Variants in CLIP4 observed in about 807,000 individuals in gnomAD.
CLIP4 encodes the protein CAP-Gly domain-containing linker protein 4.
In CLIP4, 47 loss-of-function variants were observed where a neutral mutation model predicts 73.1. The ratio of observed to expected loss-of-function variants is 0.64; its 90% CI spans 0.51 to 0.82. CLIP4 has a LOEUF of 0.82. Among genes scored for constraint, CLIP4 ranks in the 40% least tolerant of loss-of-function variants. The pLI, the probability that CLIP4 is intolerant of heterozygous loss-of-function variation, is 0.00. For missense variants in CLIP4, 874 were observed against 852.9 expected (o/e 1.02, Z -0.31); for synonymous variants, 306 against 295.4 (o/e 1.04, Z -0.37).
chr2:29,120,832 C>T (rs951484054), intron 1 of CLIP4, among the ~76,000 whole-genome samples: 1 of 152,192 alleles, frequency 6.6e-6, no homozygotes, highest in African/African-American at 2.4e-5. Flanking sequence ...TCACATACCT[C>T]GGACCTTGTT....
intron 8 of CLIP4, among the ~76,000 whole-genome samples, chr2:29,149,387 C>A (rs547311035): frequency 6.7e-6 from 1 of 149,166 alleles, no homozygotes; most frequent in Admixed American, 6.7e-5. Context: ...TTCTTGGAAG[C>A]GTTTAGTATT....
intron 6 of CLIP4, among the ~76,000 whole-genome samples, chr2:29,141,468 A>G (rs531239334): frequency 3.3e-5 from 5 of 152,106 alleles, no homozygotes; most frequent in Non-Finnish European, 5.9e-5. Context: ...TCTTTTTGTA[A>G]GTCTAGTAGT....
At chr2:29,110,159 A>G (rs115786814) in intron 1 of CLIP4, among the ~76,000 whole-genome samples, 3,547 of 152,310 alleles carry the variant, frequency 0.023, 116 homozygotes, top group East Asian at 0.091. Flanking sequence ...TTTGCAAAAG[A>G]TATCCAGGTG....
chr2:29,117,797 T>C (rs1361502544), intron 1 of CLIP4, among the ~76,000 whole-genome samples: 4 of 152,210 alleles, frequency 2.6e-5, no homozygotes, highest in Admixed American at 2.0e-4. Flanking sequence ...TTCAACTTTC[T>C]GGTAGGAATC....
chr2:29,132,086 A>G, intron 3 of CLIP4, 66 bp from the exon 4 acceptor site: 6 of 1,182,728 alleles, frequency 5.1e-6, no homozygotes, highest in Non-Finnish European at 6.3e-6. Flanking sequence ...GTTCCTCAGC[A>G]TTGGTTTGAA....
rs1305235982 is a variant in CLIP4 at position 29,134,601 on chromosome 2, TC to T, written c.529+786del. 2.3e-5 allele frequency among the ~76,000 whole-genome samples: 3 copies of T among 129,748 alleles called. No homozygotes were observed. The East Asian group carries it at 1.1e-3, about 47-fold the overall frequency. The allele number at this position is 129,748 out of a possible 152,430, so 85.1% of individuals were successfully genotyped here. A position where few individuals can be genotyped will look rare whatever the true frequency, so the allele number is the denominator to read the frequency against. ...TCTACACTACTGTGTCTTTAATAATTCAAGAGAGTTTGTCGAGTATTTCTGG... is the reference window on the plus strand; with the variant it reads ...TCTACACTACTGTGTCTTTAATAATTAAGAGAGTTTGTCGAGTATTTCTGG... On this transcript the variant is annotated intron_variant, in intron 5 of 15. Transcript: ENST00000320081.
intron 14 of CLIP4, among the ~76,000 whole-genome samples, chr2:29,173,887 T>G (rs1668168072): frequency 6.6e-6 from 1 of 152,202 alleles, no homozygotes; most frequent in African/African-American, 2.4e-5. Flanking sequence ...CTTTTTCTTT[T>G]TTATATGATT....
rs770765158 is a variant in CLIP4, at chr2:29,156,375, A to G, written c.1187A>G (p.Asp396Gly). 33 of 1,575,892 alleles carry G rather than the reference A, an allele frequency of 2.1e-5. No individual in the cohort carries two copies. The Admixed American group carries it at 3.7e-4, about 17-fold the overall frequency. Residue 396 changes from aspartate (D) to glycine (G), a missense_variant, in exon 10 of 16, where the codon GAT (aspartate) becomes GGT (glycine). Physicochemically the swap from Asp to Gly is moderately conservative, Grantham distance 94. Coordinates refer to ENST00000320081, the MANE Select transcript of CLIP4 (RefSeq NM_024692.6). ...CAAGGATTAATGACATCAAAAAAAG[A>G]TAGTGCTTCTGAGTCAACACTTTCA... The part of the protein sequence containing the change: ...VNTGLMTSKK[D>G]SASESTLSLP...
intron 14 of CLIP4, among the ~76,000 whole-genome samples, chr2:29,169,926 C>G (rs983247054): frequency 1.3e-5 from 2 of 152,166 alleles, no homozygotes; most frequent in East Asian, 3.8e-4. Flanking sequence ...ACACACACCT[C>G]CCAGCCTTTG....
intron 2 of CLIP4, chr2:29,129,983 C>T (rs1438773526): frequency 1.5e-5 from 7 of 470,906 alleles, no homozygotes; most frequent in African/African-American, 1.0e-4. Flanking sequence ...AGCAGCTGCT[C>T]TGGAACACAG....
chr2:29,108,196 A>G (rs369067922), intron 1 of CLIP4, among the ~76,000 whole-genome samples: 1 of 152,246 alleles, frequency 6.6e-6, no homozygotes, highest in African/African-American at 2.4e-5. Flanking sequence ...TTTGTAAATT[A>G]GGCACAGTAA....
intron 14 of CLIP4, among the ~76,000 whole-genome samples, chr2:29,170,240 T>G (rs1437780739): frequency 6.6e-6 from 1 of 152,224 alleles, no homozygotes. Context: ...ATCTCTTCAA[T>G]GTACTGATTT....
rs1666667556 is a variant in CLIP4 at position 29,152,815 on chromosome 2, A to C, written c.1152A>C (p.Ser384=). 1 of 1,613,414 alleles carries C rather than the reference A, an allele frequency of 6.2e-7. No homozygotes were observed. Among genetic ancestry groups the C allele is most frequent in the Admixed American group, 1.7e-5 (1 of 59,936 alleles). ...AAATTGACGTAGCTCATGTGACGTCAAAAGTAAATACTGGTAGGTCAAACC... is the reference window on the plus strand; with the variant it reads ...AAATTGACGTAGCTCATGTGACGTCCAAAGTAAATACTGGTAGGTCAAACC... ...SQKIDVAHVT[S]KVNTGLMTSK... is the part of the protein sequence containing the mutation. The change falls in exon 9 of 16, where the codon TCA becomes TCC. Residue 384 remains serine, a synonymous_variant. Coordinates refer to ENST00000320081, the MANE Select transcript of CLIP4 (RefSeq NM_024692.6).
At chr2:29,098,451 G>A (rs540005209) in intron 1 of CLIP4, among the ~76,000 whole-genome samples, 5 of 152,196 alleles carry the variant, frequency 3.3e-5, no homozygotes, top group South Asian at 4.1e-4. Flanking sequence ...ATCATTTTAC[G>A]GTCTCCATTG....
upstream of CLIP4, among the ~76,000 whole-genome samples, chr2:29,110,443 T>A (rs1226928734): frequency 6.6e-6 from 1 of 152,136 alleles, no homozygotes; most frequent in East Asian, 1.9e-4. Flanking sequence ...GACAGGGAGT[T>A]TGGTTTGGAG....
chr2:29,157,920 C>A (rs560898693), intron 11 of CLIP4, among the ~76,000 whole-genome samples: 7 of 152,194 alleles, frequency 4.6e-5, no homozygotes, highest in Non-Finnish European at 1.0e-4. Flanking sequence ...AGGCAAAAGC[C>A]ATCTTGGCAA....
At chr2:29,156,117 C>A (rs948759559) in intron 9 of CLIP4, among the ~76,000 whole-genome samples, 1 of 152,190 alleles carries the variant, frequency 6.6e-6, no homozygotes, top group African/African-American at 2.4e-5. Context: ...GGACCCATCT[C>A]AGAATGTGAT....
intron 8 of CLIP4, among the ~76,000 whole-genome samples, chr2:29,147,393 T>A (rs568856810): frequency 6.6e-6 from 1 of 152,308 alleles, no homozygotes; most frequent in Admixed American, 6.5e-5. Context: ...TTTGTCTAGC[T>A]TGTCATTTGC....
chr2:29,148,942 T>C (rs1195811364), intron 8 of CLIP4, among the ~76,000 whole-genome samples: 6 of 152,196 alleles, frequency 3.9e-5, no homozygotes, highest in African/African-American at 1.4e-4. Context: ...AAACTTTATG[T>C]GATAATTTGG....
Sources: allele counts gnomAD v4.1 joint callset (sites outside exome capture counted in the v4.1 genomes callset), GRCh38; gene constraint gnomAD v4.1.1; transcripts MANE v1.5; gene names NCBI Gene and HGNC (gene_info 2026-07-23, HGNC 2026-07-21).